Variants in RREB1 observed in about 807,000 individuals in gnomAD.
RREB1 encodes ras-responsive element-binding protein 1.
Under a neutral mutation model 117.8 loss-of-function variants are expected in RREB1, and 27 were observed. The observed-to-expected ratio is 0.23, with a 90% CI of 0.17 to 0.32. The LOEUF (loss-of-function observed/expected upper bound fraction) is 0.32. RREB1 is among the 10% of genes least tolerant of loss of function. RREB1 has a pLI of 1.00. For missense variants in RREB1, 2,577 were observed against 2,378.2 expected, an observed-to-expected ratio of 1.08 and a Z score of -1.74; for synonymous variants, 1,298 against 1,026.7, an observed-to-expected ratio of 1.26 and a Z score of -5.05.
intron 6 of RREB1, among the ~76,000 whole-genome samples, chr6:7,192,240 C>T (rs1323298120): frequency 6.7e-6 from 1 of 148,688 alleles, no homozygotes; most frequent in Non-Finnish European, 1.5e-5. Flanking sequence ...TCACCCAGGT[C>T]AGAGTGCAGT....
chr6:7,173,988 G>T (rs1445305528), intron 1 of RREB1, among the ~76,000 whole-genome samples: 1 of 152,048 alleles, frequency 6.6e-6, no homozygotes, highest in Non-Finnish European at 1.5e-5. Context: ...TCCTCCCACA[G>T]AGGGACTTCC....
At chr6:7,224,663 C>G (rs1767479034) in intron 8 of RREB1, among the ~76,000 whole-genome samples, 2 of 152,182 alleles carry the variant, frequency 1.3e-5, no homozygotes, top group Admixed American at 6.5e-5. Context: ...GGGGCTGTGT[C>G]CATTCTGCTT....
chr6:7,148,843 T>C (rs776975587), intron 1 of RREB1, among the ~76,000 whole-genome samples: 9 of 152,194 alleles, frequency 5.9e-5, no homozygotes, highest in Non-Finnish European at 1.3e-4. Context: ...TAAAATATTA[T>C]ATATTTTGCC....
At chr6:7,117,400 T>TG (rs1761456037) in intron 1 of RREB1, among the ~76,000 whole-genome samples, 2 of 29,644 alleles carry the variant, frequency 6.7e-5, no homozygotes, top group East Asian at 2.6e-4. Context: ...TTTTTTTTTT[T>TG]TTTTTTTTTT....
chr6:7,165,964 C>T (rs1347077765), intron 1 of RREB1, among the ~76,000 whole-genome samples: 1 of 152,158 alleles, frequency 6.6e-6, no homozygotes, highest in African/African-American at 2.4e-5. Context: ...GTTCAGTGCC[C>T]TGTGTGAGCT....
intron 2 of RREB1, among the ~76,000 whole-genome samples, chr6:7,180,914 C>T (rs1764759982): frequency 6.6e-6 from 1 of 151,794 alleles, no homozygotes; most frequent in African/African-American, 2.4e-5. Flanking sequence ...TGGGAGTGTG[C>T]GTAACAGGCA....
Position 7,230,258 on chromosome 6 carries a change from A to C in RREB1, c.2159A>C (p.Lys720Thr). ...VKANCERHLR[K>T]KHLKATRKDI... is the part of the protein sequence containing the mutation. ...GCCAACTGCGAGCGGCACCTGCGCA[A>C]GAAGCACCTCAAGGCCACCCGCAAG... is the stretch of plus-strand genomic sequence containing the variant. The change falls in exon 10 of 13, where the codon AAG becomes ACG. Residue 720 changes from lysine to threonine, a missense_variant. Physicochemically the swap from Lys to Thr is moderately conservative, Grantham distance 78. Coordinates refer to ENST00000379938, the MANE Select transcript of RREB1 (RefSeq NM_001003699.4). 6.2e-7 allele frequency: 1 copy of C among 1,601,452 alleles called. No homozygotes were observed. The highest frequency in any genetic ancestry group is 1.3e-5 in the African/African-American group (1 of 75,028).
chr6:7,214,813 A>T (rs1766810541), intron 8 of RREB1: 1 of 152,170 alleles, frequency 6.6e-6, no homozygotes, highest in Admixed American at 6.6e-5. Context: ...CCCCTTCTCC[A>T]CTCCCCACCA....
At chr6:7,161,913 CT>C (rs773933780) in intron 1 of RREB1, among the ~76,000 whole-genome samples, 73 of 152,288 alleles carry the variant, frequency 4.8e-4, no homozygotes, top group Middle Eastern at 3.4e-3. Context: ...CTACCAAGAG[CT>C]TTTTAAGCTG....
chr6:7,191,520 G>T (rs1765406675), intron 6 of RREB1, among the ~76,000 whole-genome samples: 2 of 152,106 alleles, frequency 1.3e-5, no homozygotes, highest in Admixed American at 1.3e-4. Context: ...GTAAATCCAT[G>T]TTTAAGTCGA....
At position 7,176,739 on chromosome 6, in the gene RREB1, A is replaced by G. The variant is rs1481293230; in HGVS notation, c.-200A>G. 1.3e-5 allele frequency: 2 copies of G among 152,698 alleles called. No individual in the cohort carries two copies. Among genetic ancestry groups the G allele is most frequent in the South Asian group, 2.1e-4 (1 of 4,824 alleles). The allele number at this position is 152,698 out of a possible 1,614,324, so 9.5% of individuals were successfully genotyped here. A position where few individuals can be genotyped will look rare whatever the true frequency, so the allele number is the denominator to read the frequency against. On this transcript the variant is annotated 5_prime_UTR_variant, in exon 2 of 13. Transcript: ENST00000379938. ...GGGCCCAGCCAGGTTCAGCCCCCCA[A>G]TAAGGAGGGCAGCTTGATAACACAA...
chr6:7,221,407 C>T (rs1767249117), intron 8 of RREB1, among the ~76,000 whole-genome samples: 1 of 152,134 alleles, frequency 6.6e-6, no homozygotes, highest in African/African-American at 2.4e-5. Context: ...CTCCTGACCT[C>T]ATGATCCACC....
At chr6:7,218,947 C>G (rs1238978144) in intron 8 of RREB1, 1 of 151,280 alleles carries the variant, frequency 6.6e-6, no homozygotes, top group Non-Finnish European at 1.5e-5. Context: ...GCCATTAATT[C>G]AATGCTTTTT....
At chr6:7,202,581 T>C (rs1026909643) in intron 6 of RREB1, among the ~76,000 whole-genome samples, 3 of 152,150 alleles carry the variant, frequency 2.0e-5, no homozygotes, top group Non-Finnish European at 2.9e-5. Flanking sequence ...ATGACTTCAG[T>C]TGGGGCACCA....
At position 7,243,968 on chromosome 6, in the gene RREB1, T is replaced by C. The variant is rs147182366; in HGVS notation, c.3974-2456T>C. 3.1e-3 allele frequency among the ~76,000 whole-genome samples: 471 copies of C among 152,180 alleles called. 3 individuals are homozygous for C. Among genetic ancestry groups the C allele is most frequent in the African/African-American group, 0.01 (431 of 41,526 alleles). On this transcript the variant is annotated intron_variant, in intron 11 of 12. Transcript: ENST00000379938. ...AAGTAACCAGAGATTAAACCTTCTT[T>C]TAAAAATTACCAGTCGGGCGTGGTG...
chr6:7,143,508 C>T (rs1298097078), intron 1 of RREB1, among the ~76,000 whole-genome samples: 1 of 152,156 alleles, frequency 6.6e-6, no homozygotes, highest in Non-Finnish European at 1.5e-5. Context: ...GCAGTATTAT[C>T]TTAGGTAGAG....
At chr6:7,212,674 G>T (rs892939989) in intron 8 of RREB1, 2 of 152,172 alleles carry the variant, frequency 1.3e-5, no homozygotes, top group Admixed American at 6.5e-5. Flanking sequence ...TTGGGTTTTA[G>T]AAGACAGCTT....
chr6:7,151,030 T>G (rs1228303917), intron 1 of RREB1, among the ~76,000 whole-genome samples: 7 of 152,180 alleles, frequency 4.6e-5, no homozygotes, highest in Non-Finnish European at 8.8e-5. Flanking sequence ...TCCGTGCGGC[T>G]GGAGGCTGAA....
At chr6:7,124,777 A>G (rs756536378) in intron 1 of RREB1, among the ~76,000 whole-genome samples, 3 of 152,204 alleles carry the variant, frequency 2.0e-5, no homozygotes, top group Non-Finnish European at 4.4e-5. Context: ...TCATTCATTC[A>G]TCACAACAAT....
Sources: allele counts gnomAD v4.1 joint callset (sites outside exome capture counted in the v4.1 genomes callset), GRCh38; gene constraint gnomAD v4.1.1; transcripts MANE v1.5; gene names NCBI Gene and HGNC (gene_info 2026-07-23, HGNC 2026-07-21).